Variants in PTGFRN observed in about 807,000 individuals in gnomAD.
PTGFRN encodes the protein prostaglandin F2 receptor negative regulator.
PTGFRN carries 35 observed loss-of-function variants against 83.2 expected under a neutral mutation model. The observed-to-expected ratio is 0.42, with a 90% confidence interval of 0.32 to 0.56. The LOEUF (loss-of-function observed/expected upper bound fraction) is 0.56, where lower values mean the gene tolerates loss of function less well. PTGFRN is among the 20% of genes least tolerant of loss of function. PTGFRN has a pLI of 0.11. For missense variants in PTGFRN, 1,051 were observed against 1,179.5 expected (o/e 0.89, Z 1.60); for synonymous variants, 519 against 498.6 (o/e 1.04, Z -0.55).
At chr1:116,933,163 A>G (rs1464577005) in intron 1 of PTGFRN, among the ~76,000 whole-genome samples, 2 of 152,186 alleles carry the variant, frequency 1.3e-5, no homozygotes, top group Non-Finnish European at 2.9e-5. Flanking sequence ...AATAAATACT[A>G]TGAGAAATGC....
At chr1:116,942,637 T>C (rs1570656393) in intron 2 of PTGFRN, among the ~76,000 whole-genome samples, 1 of 152,238 alleles carries the variant, frequency 6.6e-6, no homozygotes. Context: ...TTCATGTCTT[T>C]CTCTGTGGCT....
chr1:116,915,782 A>G (rs942518313), intron 1 of PTGFRN, among the ~76,000 whole-genome samples: 1 of 152,242 alleles, frequency 6.6e-6, no homozygotes, highest in Non-Finnish European at 1.5e-5. Flanking sequence ...AGTTGGAAGG[A>G]TGCTGTCCAG....
intron 1 of PTGFRN, among the ~76,000 whole-genome samples, chr1:116,916,035 G>A (rs1649396304): frequency 6.6e-6 from 1 of 152,170 alleles, no homozygotes; most frequent in African/African-American, 2.4e-5. Flanking sequence ...TAACACTGTC[G>A]TGTCCCAGCA....
At chr1:116,936,750 A>G (rs892976937) in intron 1 of PTGFRN, among the ~76,000 whole-genome samples, 3 of 152,212 alleles carry the variant, frequency 2.0e-5, no homozygotes, top group Non-Finnish European at 4.4e-5. Flanking sequence ...AGTGGTATCC[A>G]TGAGCCAGAT....
chr1:116,981,033 T>C (rs1651304654), intron 7 of PTGFRN, among the ~76,000 whole-genome samples: 1 of 152,170 alleles, frequency 6.6e-6, no homozygotes, highest in Non-Finnish European at 1.5e-5. Context: ...AGGAAATCAT[T>C]ATAAATTTTT....
intron 5 of PTGFRN, among the ~76,000 whole-genome samples, chr1:116,965,050 G>A (rs930469747): frequency 1.3e-5 from 2 of 152,070 alleles, no homozygotes; most frequent in Non-Finnish European, 2.9e-5. Flanking sequence ...CCTCTAAGTG[G>A]TCTTAGATGT....
chr1:116,929,381 C>T (rs1570649057), intron 1 of PTGFRN, among the ~76,000 whole-genome samples: 1 of 152,180 alleles, frequency 6.6e-6, no homozygotes, highest in Admixed American at 6.5e-5. Context: ...TCTGTCTTTC[C>T]CACAGCAGTC....
In PTGFRN at chr1:116,939,973, A is replaced by G. The variant is rs116940113; in HGVS notation, c.50-1742A>G. Among the ~76,000 whole-genome samples, 136 of 152,260 alleles carry G rather than the reference A, an allele frequency of 8.9e-4. 1 individual carries two copies. In the East Asian group the frequency reaches 0.023, roughly 25 times the overall value. On this transcript the variant is annotated intron_variant, in intron 1 of 8. Transcript: ENST00000393203. ...CAACAAGTTCCTCATCTCCATCTGC[A>G]ACCACCTCAGCTGGGACCTTGTCGT...
At chr1:116,945,350 C>T (rs1301059312) in intron 3 of PTGFRN, among the ~76,000 whole-genome samples, 1 of 152,196 alleles carries the variant, frequency 6.6e-6, no homozygotes, top group Non-Finnish European at 1.5e-5. Flanking sequence ...TGGAAAGCCA[C>T]AGCCTGCACA....
intron 1 of PTGFRN, among the ~76,000 whole-genome samples, chr1:116,921,978 G>T (rs1016249205): frequency 6.6e-6 from 1 of 152,200 alleles, no homozygotes; most frequent in African/African-American, 2.4e-5. Flanking sequence ...ATGTGTACAG[G>T]TTGGTGTCCC....
At chr1:116,913,671 A>G (rs1286315722) in intron 1 of PTGFRN, among the ~76,000 whole-genome samples, 1 of 152,184 alleles carries the variant, frequency 6.6e-6, no homozygotes, top group Non-Finnish European at 1.5e-5. Flanking sequence ...GTTCACTACA[A>G]TGTCCCTATT....
At chr1:116,916,652 C>T (rs1269667737) in intron 1 of PTGFRN, among the ~76,000 whole-genome samples, 1 of 152,150 alleles carries the variant, frequency 6.6e-6, no homozygotes, top group Non-Finnish European at 1.5e-5. Flanking sequence ...CCTGTGTGTG[C>T]TATGATTTGA....
In PTGFRN at chr1:116,984,810, C is replaced by T; in HGVS notation, c.2298C>T (p.Leu766=). 6.2e-7 allele frequency: 1 copy of T among 1,614,074 alleles called. No individual in the cohort carries two copies. The highest frequency in any genetic ancestry group is 8.5e-7 in the Non-Finnish European group (1 of 1,180,004). The change falls in exon 8 of 9, where the codon CTC becomes CTT. Residue 766 remains leucine (L), a synonymous_variant. Coordinates refer to ENST00000393203, the MANE Select transcript of PTGFRN (RefSeq NM_020440.4). ...TTSRRDWKSD[L]SLERVSVLEF... ...CCCGGAGGGACTGGAAGAGCGACCT[C>T]AGCCTGGAGCGCGTGAGTGTGCTGG...
At chr1:116,975,515 C>T (rs1227724036) in intron 7 of PTGFRN, among the ~76,000 whole-genome samples, 1 of 152,224 alleles carries the variant, frequency 6.6e-6, no homozygotes, top group Non-Finnish European at 1.5e-5. Context: ...GGGTACCCCT[C>T]TGAGACGAAG....
At chr1:116,953,846 A>G (rs1173026671) in intron 4 of PTGFRN, among the ~76,000 whole-genome samples, 4 of 147,412 alleles carry the variant, frequency 2.7e-5, no homozygotes, top group Admixed American at 1.4e-4. Context: ...AAACTTCATG[A>G]ATATTTCTTT....
intron 2 of PTGFRN, among the ~76,000 whole-genome samples, chr1:116,943,024 A>G (rs1650098483): frequency 6.6e-6 from 1 of 152,210 alleles, no homozygotes; most frequent in African/African-American, 2.4e-5. Context: ...TTAATTATGC[A>G]TTTATTTGTA....
intron 7 of PTGFRN, among the ~76,000 whole-genome samples, chr1:116,979,805 G>T (rs965815857): frequency 1.1e-4 from 17 of 152,162 alleles, no homozygotes; most frequent in African/African-American, 4.1e-4. Flanking sequence ...CAGGACATAG[G>T]CATGGGCTAG....
chr1:116,949,590 T>C lies in PTGFRN; in HGVS notation c.1213+18T>C. 1.9e-6 allele frequency: 3 copies of C among 1,605,006 alleles called. No individual in the cohort carries two copies. ...CTGGCTAGGTGAGTGGTTTGGAGAA[T>C]GACTCTTAACCTCTTCAGCTTAACC... On this transcript the variant is annotated intron_variant, in intron 4 of 8. Transcript: ENST00000393203.
At chr1:116,942,162 G>C in intron 2 of PTGFRN, 79 bp downstream of exon 2, 1 of 1,504,740 alleles carries the variant, frequency 6.6e-7, no homozygotes, top group South Asian at 1.3e-5. Context: ...TTTGTCAAGA[G>C]ACTTAATTTC....
Sources: gnomAD v4.1 joint callset for allele counts (sites outside exome capture counted in the v4.1 genomes callset) on GRCh38, gnomAD v4.1.1 for gene constraint, MANE v1.5 for transcripts, NCBI Gene and HGNC (gene_info 2026-07-23, HGNC 2026-07-21) for gene names.